Variants in FAT4 observed in about 807,000 individuals in gnomAD.
FAT4 encodes FAT atypical cadherin 4.
In FAT4, 84 loss-of-function variants were observed where a neutral mutation model predicts 303.9. That is an observed-to-expected ratio of 0.28 (90% confidence interval 0.23 to 0.33). The LOEUF is 0.33. FAT4 is among the 10% of genes least tolerant of loss of function. The pLI is 1.00. For synonymous variants in FAT4, 2,307 were observed against 2,298.8 expected, an observed-to-expected ratio of 1.00 and a Z score of -0.10; for missense variants, 6,005 against 6,146.8, an observed-to-expected ratio of 0.98 and a Z score of 0.77.
At chr4:125,464,511 A>T (rs1255601794) in intron 11 of FAT4, among the ~76,000 whole-genome samples, 6 of 147,700 alleles carry the variant, frequency 4.1e-5, no homozygotes, top group Non-Finnish European at 7.5e-5. Flanking sequence ...TCCCCTTTGT[A>T]TATCTATTTA....
chr4:125,412,781 T>G (rs1734895248), intron 5 of FAT4, among the ~76,000 whole-genome samples: 1 of 151,922 alleles, frequency 6.6e-6, no homozygotes, highest in Non-Finnish European at 1.5e-5. Context: ...TTAATGTATT[T>G]TGATCTTAGA....
rs1471671726 is a variant in FAT4, at chr4:125,317,474, T to A, written c.1063T>A (p.Phe355Ile). Residue 355 changes from phenylalanine (F) to isoleucine (I), a missense_variant, in exon 2 of 18, where the codon TTC becomes ATC. By Grantham distance (21) the Phe-to-Ile change is conservative. Coordinates refer to ENST00000394329, the MANE Select transcript of FAT4 (RefSeq NM_001291303.3). This position sits in a 1 kb window ranked among gnomAD's most constrained non-coding sequence, Gnocchi z 7.0. Reference protein sequence around the residue: ...DVNDNDPVVKFRYFPATSRYA... With the variant: ...DVNDNDPVVKIRYFPATSRYA... Reference sequence around the variant, plus strand: ...GAATGACAATGACCCGGTAGTGAAGTTCCGCTACTTCCCGGCCACCTCGCG... The same window carrying A: ...GAATGACAATGACCCGGTAGTGAAGATCCGCTACTTCCCGGCCACCTCGCG... 6 of 1,613,698 alleles carry A rather than the reference T, an allele frequency of 3.7e-6. No homozygotes were observed. Among genetic ancestry groups the A allele is most frequent in the Non-Finnish European group, 5.1e-6 (6 of 1,180,040 alleles).
At position 125,325,347 on chromosome 4, in the gene FAT4, A is replaced by G. The variant is rs185008617; in HGVS notation, c.5175+3761A>G. Among the ~76,000 whole-genome samples, 97 of 152,270 alleles carry G rather than the reference A, an allele frequency of 6.4e-4. 1 individual carries two copies. Among genetic ancestry groups the G allele is most frequent in the African/African-American group, 2.2e-3 (93 of 41,558 alleles). ...TAAAAGTCTTTAATATATGACTCTC[A>G]ACCTGTTGGTGATGGTTAGAAGTTT... is the stretch of plus-strand genomic sequence containing the variant. On this transcript the variant is annotated intron_variant, in intron 2 of 17. Coordinates refer to ENST00000394329, the MANE Select transcript of FAT4 (RefSeq NM_001291303.3).
intron 2 of FAT4, among the ~76,000 whole-genome samples, chr4:125,346,907 A>G: frequency 6.6e-6 from 1 of 152,022 alleles, no homozygotes; most frequent in Non-Finnish European, 1.5e-5. Context: ...TGTGTCTTGA[A>G]GCTGATTGAC....
At chr4:125,393,217 G>A (rs1323931466) in intron 2 of FAT4, among the ~76,000 whole-genome samples, 1 of 151,972 alleles carries the variant, frequency 6.6e-6, no homozygotes, top group African/African-American at 2.4e-5. Context: ...TTTTCATTCC[G>A]TTCATTAAGA....
rs750530580 is a variant in FAT4, at chr4:125,316,934, C to T, written c.523C>T (p.Arg175Cys). The T allele has an allele frequency of 1.2e-6, 2 of 1,613,958 alleles. No individual in the cohort carries two copies. Among genetic ancestry groups the T allele is most frequent in the Non-Finnish European group, 1.7e-6 (2 of 1,180,028 alleles). Residue 175 changes from arginine (R) to cysteine (C), a missense_variant, in exon 2 of 18, where the codon CGC becomes TGC. Arg to Cys is a radical substitution (Grantham distance 180). Coordinates refer to ENST00000394329, the MANE Select transcript of FAT4 (RefSeq NM_001291303.3). The surrounding 1 kb of genome is among the most constrained non-coding windows in gnomAD (Gnocchi z 5.7). ...GSNGVDHRSY[R>C]IIRGNEAGRF... ...AAACGGTGTGGACCACCGCTCCTACCGCATCATCCGCGGCAATGAGGCGGG... is the reference window on the plus strand; with the variant it reads ...AAACGGTGTGGACCACCGCTCCTACTGCATCATCCGCGGCAATGAGGCGGG...
chr4:125,362,470 G>C (rs1560779222), intron 2 of FAT4, among the ~76,000 whole-genome samples: 1 of 152,114 alleles, frequency 6.6e-6, no homozygotes, highest in Non-Finnish European at 1.5e-5. Flanking sequence ...GATATTAGAA[G>C]AGAAATGATT....
intron 11 of FAT4, among the ~76,000 whole-genome samples, chr4:125,468,165 TA>T (rs958153342): frequency 3.3e-5 from 5 of 150,168 alleles, no homozygotes; most frequent in East Asian, 2.0e-4. Flanking sequence ...ATAAAAAAAA[TA>T]AAAAAAAAAT....
In FAT4 at chr4:125,490,910, C is replaced by A; in HGVS notation, c.14094C>A (p.Asn4698Lys). 6.2e-7 allele frequency: 1 copy of A among 1,614,212 alleles called. No homozygotes were observed. The highest frequency in any genetic ancestry group is 8.5e-7 in the Non-Finnish European group (1 of 1,180,042). The change falls in exon 18 of 18, where the codon AAC becomes AAA. Residue 4698 changes from asparagine (N) to lysine (K), a missense_variant. Asn to Lys is a moderately conservative substitution (Grantham distance 94). Coordinates refer to ENST00000394329, the MANE Select transcript of FAT4 (RefSeq NM_001291303.3). ...GCCACTCAGCATGCCCAACTCCCAACCCTCTGTCTCGACACAGTCCAGCCC... is the reference window on the plus strand; with the variant it reads ...GCCACTCAGCATGCCCAACTCCCAAACCTCTGTCTCGACACAGTCCAGCCC... ...SLSHSACPTP[N>K]PLSRHSPAPF...
At position 125,477,274 on chromosome 4, in the gene FAT4, C is replaced by T. The variant is rs1311146078; in HGVS notation, c.12419C>T (p.Ala4140Val). Residue 4140 changes from alanine (A) to valine (V), a missense_variant, in exon 14 of 18, where the codon GCA becomes GTA. Coordinates refer to ENST00000394329, the MANE Select transcript of FAT4 (RefSeq NM_001291303.3). The stretch of plus-strand genomic sequence containing the variant: ...TTTGTTGGGTGTATAATGGAGTTTG[C>T]AGTCAATGGAAGGCCTCTGGAACCC... ...HDFVGCIMEF[A>V]VNGRPLEPSQ... 2.5e-6 allele frequency: 4 copies of T among 1,581,914 alleles called. No homozygotes were observed. Among genetic ancestry groups the T allele is most frequent in the East Asian group, 2.3e-5 (1 of 43,198 alleles).
At chr4:125,410,705 C>T (rs1022823719) in intron 5 of FAT4, among the ~76,000 whole-genome samples, 14 of 151,746 alleles carry the variant, frequency 9.2e-5, no homozygotes, top group African/African-American at 2.7e-4. Flanking sequence ...AGGGAAACTG[C>T]GAAGATACCA....
intron 3 of FAT4, among the ~76,000 whole-genome samples, chr4:125,402,469 T>C (rs1324295864): frequency 6.6e-6 from 1 of 152,012 alleles, no homozygotes; most frequent in Non-Finnish European, 1.5e-5. Context: ...ATAAATACGT[T>C]AGATATTCAA....
chr4:125,428,649 G>T (rs1316643498), intron 7 of FAT4, among the ~76,000 whole-genome samples: 1 of 152,034 alleles, frequency 6.6e-6, no homozygotes, highest in African/African-American at 2.4e-5. Flanking sequence ...CCATGTTTAT[G>T]TTATATTTAT....
At chr4:125,407,215 G>A in intron 4 of FAT4, 74 bp downstream of exon 4, 1 of 1,345,632 alleles carries the variant, frequency 7.4e-7, no homozygotes, top group Non-Finnish European at 1.0e-6. Context: ...TGTTTCGGCT[G>A]CTCTTAATCA....
intron 7 of FAT4, among the ~76,000 whole-genome samples, chr4:125,430,229 A>G (rs1725239384): frequency 6.6e-6 from 1 of 152,072 alleles, no homozygotes; most frequent in Admixed American, 6.6e-5. Flanking sequence ...TCATTCAATT[A>G]GCACATAAAA....
chr4:125,340,501 C>T lies in FAT4; in HGVS notation c.5175+18915C>T, dbSNP rs534826102. On this transcript the variant is annotated intron_variant, in intron 2 of 17. Coordinates refer to ENST00000394329, the MANE Select transcript of FAT4 (RefSeq NM_001291303.3). ...CGGGTTCACGCCATTCTCCTCCTGC[C>T]TCAGTCTCTGGAGAAGCTGGGACTA... 8.5e-5 allele frequency among the ~76,000 whole-genome samples: 13 copies of T among 152,250 alleles called. No homozygotes were observed. The South Asian group carries it at 1.7e-3, about 19-fold the overall frequency.
At chr4:125,395,626 A>G (rs1174651434) in intron 2 of FAT4, among the ~76,000 whole-genome samples, 1 of 152,016 alleles carries the variant, frequency 6.6e-6, no homozygotes, top group Non-Finnish European at 1.5e-5. Flanking sequence ...GCCATTATTC[A>G]CTTTTAGAAT....
At chr4:125,405,021 A>T (rs1188286023) in intron 3 of FAT4, among the ~76,000 whole-genome samples, 1 of 151,330 alleles carries the variant, frequency 6.6e-6, no homozygotes, top group East Asian at 1.9e-4. Flanking sequence ...AAATTTTGGA[A>T]GTTGCATTAT....
intron 7 of FAT4, among the ~76,000 whole-genome samples, chr4:125,429,503 A>G (rs936425267): frequency 6.6e-6 from 1 of 152,172 alleles, no homozygotes; most frequent in Admixed American, 6.5e-5. Context: ...TTTTTTTAAG[A>G]ATTCAAAACT....
Sources: allele counts gnomAD v4.1 joint callset (sites outside exome capture counted in the v4.1 genomes callset), GRCh38; gene constraint gnomAD v4.1.1; non-coding constraint Gnocchi (gnomAD v3.1); transcripts MANE v1.5; gene names NCBI Gene and HGNC (gene_info 2026-07-23, HGNC 2026-07-21).